HSD17B2: variants seen among roughly 807,000 people sequenced by gnomAD.
HSD17B2 encodes hydroxysteroid 17-beta dehydrogenase 2, also known as 17-beta-hydroxysteroid dehydrogenase type 2.
In HSD17B2, 32 loss-of-function variants were observed where a neutral mutation model predicts 26.9. That is an observed-to-expected ratio of 1.19 (90% CI 0.90 to 1.60). The LOEUF (loss-of-function observed/expected upper bound fraction) is 1.60, where lower values mean the gene tolerates loss of function less well. Among genes scored for constraint, HSD17B2 ranks in the 40% most tolerant of loss-of-function variants. The pLI is 0.00. For missense variants in HSD17B2, 613 were observed against 468.6 expected (o/e 1.31, Z -2.85); for synonymous variants, 246 against 186.7 (o/e 1.32, Z -2.59).
chr16:82,047,984 G>C (rs1913987598), intron 1 of HSD17B2, among the ~76,000 whole-genome samples: 1 of 152,192 alleles, frequency 6.6e-6, no homozygotes, highest in South Asian at 2.1e-4. Flanking sequence ...AAGAGGAGCT[G>C]ACTTTGCGAA....
In HSD17B2 at chr16:82,067,086, T is replaced by A. The variant is rs901448230; in HGVS notation, c.266-1084T>A. 2.0e-5 allele frequency among the ~76,000 whole-genome samples: 3 copies of A among 152,190 alleles called. No individual in the cohort carries two copies. In the East Asian group the frequency reaches 5.8e-4, roughly 29 times the overall value. On this transcript the variant is annotated intron_variant, in intron 1 of 4. Coordinates refer to ENST00000199936, the MANE Select transcript of HSD17B2 (RefSeq NM_002153.3). Reference sequence around the variant, plus strand: ...ACACCTGCCCTCTCTTTGCAGACAGTAGATTTCAGGCCCCTGTTGTTAGCT... The same window carrying A: ...ACACCTGCCCTCTCTTTGCAGACAGAAGATTTCAGGCCCCTGTTGTTAGCT...
intron 4 of HSD17B2, 151 bp downstream of exon 4, chr16:82,091,190 T>C: frequency 1.3e-6 from 1 of 793,688 alleles, no homozygotes; most frequent in South Asian, 1.4e-5. Context: ...CAGGTTTGAT[T>C]CAGTAACTGC....
intron 1 of HSD17B2, among the ~76,000 whole-genome samples, chr16:82,060,700 G>A (rs1054235690): frequency 2.0e-5 from 3 of 152,140 alleles, no homozygotes; most frequent in Non-Finnish European, 2.9e-5. Flanking sequence ...ATGAGAAAGG[G>A]TCTTGGTGCC....
In HSD17B2 at chr16:82,098,279, C is replaced by T; in HGVS notation, c.1007C>T (p.Ala336Val). 1 of 1,614,090 alleles carries T rather than the reference C, an allele frequency of 6.2e-7. No individual in the cohort carries two copies. Among genetic ancestry groups the T allele is most frequent in the Non-Finnish European group, 8.5e-7 (1 of 1,179,932 alleles). Reference sequence around the variant, plus strand: ...GCTATCTTGGCGAAGAGCCCTTTTGCCTATTACACGCCAGGGAAAGGCGCT... The same window carrying T: ...GCTATCTTGGCGAAGAGCCCTTTTGTCTATTACACGCCAGGGAAAGGCGCT... The part of the protein sequence containing the change: ...QHAILAKSPF[A>V]YYTPGKGAYL... Residue 336 changes from alanine to valine, a missense_variant, in exon 5 of 5, where the codon GCC (alanine) becomes GTC (valine). Physicochemically the swap from Ala to Val is moderately conservative, Grantham distance 64. Coordinates refer to ENST00000199936, the MANE Select transcript of HSD17B2 (RefSeq NM_002153.3).
At position 82,098,106 on chromosome 16, in the gene HSD17B2, G is replaced by A; in HGVS notation, c.834G>A (p.Lys278=). ...CAGGCACCAGTGACAAGTGGGAAAA[G>A]CTGGAGAAGGACATTCTGGACCACC... ...NIAGTSDKWE[K]LEKDILDHLP... Residue 278 remains lysine (K), a synonymous_variant, in exon 5 of 5, where the codon AAG becomes AAA. Transcript: ENST00000199936. 1 of 1,613,672 alleles carries A rather than the reference G, an allele frequency of 6.2e-7. No individual in the cohort carries two copies. The highest frequency in any genetic ancestry group is 8.5e-7 in the Non-Finnish European group (1 of 1,179,720).
Position 82,043,429 on chromosome 16 carries a change from AATCCCAGCACTTTGGG to A in HSD17B2, c.265+7742_265+7757del, listed in dbSNP as rs1328238693. 9.6e-5 allele frequency among the ~76,000 whole-genome samples: 12 copies of A among 124,426 alleles called. 1 individual carries two copies. Among genetic ancestry groups the A allele is most frequent in the African/African-American group, 7.6e-4 (12 of 15,814 alleles). 81.6% of individuals were successfully genotyped at this position (124,426 alleles called of 152,430 possible). A position where few individuals can be genotyped will look rare whatever the true frequency, so the allele number is the denominator to read the frequency against. On this transcript the variant is annotated intron_variant, in intron 1 of 4. Transcript: ENST00000199936. ...GCCGGGCGCGGTGGCTCATGCCTGT[AATCCCAGCACTTTGGG>A]AGGCCGAGGCGGGCGGATCACGAGG...
At chr16:82,063,725 C>T (rs1416170048) in intron 1 of HSD17B2, among the ~76,000 whole-genome samples, 1 of 152,116 alleles carries the variant, frequency 6.6e-6, no homozygotes, top group Non-Finnish European at 1.5e-5. Context: ...CTGGGATGAT[C>T]AGAGTGACAC....
intron 2 of HSD17B2, 75 bp from the exon 3 acceptor site, chr16:82,070,867 G>C (rs1914681043): frequency 1.7e-5 from 24 of 1,386,892 alleles, no homozygotes; most frequent in South Asian, 1.5e-4. Context: ...CTCTTGCATG[G>C]TCTTCCAGGT....
At chr16:82,052,604 T>G (rs898913058) in intron 1 of HSD17B2, 1 of 152,246 alleles carries the variant, frequency 6.6e-6, no homozygotes, top group African/African-American at 2.4e-5. Context: ...TAGCTTTTCC[T>G]AGTCCCACTA....
intron 3 of HSD17B2, among the ~76,000 whole-genome samples, chr16:82,081,638 T>G (rs79364531): frequency 0.018 from 2,678 of 152,280 alleles, 84 homozygotes; most frequent in African/African-American, 0.059. Flanking sequence ...GAGGCTTAAA[T>G]AAAATAATTC....
At chr16:82,092,998 T>C (rs1904737873) in intron 4 of HSD17B2, 1 of 152,238 alleles carries the variant, frequency 6.6e-6, no homozygotes, top group Non-Finnish European at 1.5e-5. Context: ...TTCAGTATAA[T>C]TGCTATGCAT....
chr16:82,069,935 A>G (rs895120848), intron 2 of HSD17B2, among the ~76,000 whole-genome samples: 2 of 152,254 alleles, frequency 1.3e-5, no homozygotes, highest in African/African-American at 4.8e-5. Flanking sequence ...CTAGGACGGG[A>G]TCCCAGGCAT....
intron 1 of HSD17B2, among the ~76,000 whole-genome samples, chr16:82,051,034 T>C (rs974042125): frequency 1.3e-5 from 2 of 152,228 alleles, no homozygotes; most frequent in Admixed American, 6.5e-5. Flanking sequence ...GCTTAAATAT[T>C]AACTTCTTGA....
intron 3 of HSD17B2, among the ~76,000 whole-genome samples, chr16:82,075,066 C>T (rs2143991514): frequency 6.6e-6 from 1 of 152,108 alleles, no homozygotes; most frequent in South Asian, 2.1e-4. Flanking sequence ...ACTATATAAG[C>T]ACATGGAAAT....
chr16:82,079,450 C>T (rs1904327050), intron 3 of HSD17B2, among the ~76,000 whole-genome samples: 1 of 152,180 alleles, frequency 6.6e-6, no homozygotes, highest in Non-Finnish European at 1.5e-5. Context: ...GTCTCTTCCT[C>T]TTCTTATAAG....
At chr16:82,067,584 G>GC (rs1352016581) in intron 1 of HSD17B2, among the ~76,000 whole-genome samples, 1 of 152,096 alleles carries the variant, frequency 6.6e-6, no homozygotes, top group Non-Finnish European at 1.5e-5. Context: ...TTCTTTTTAG[G>GC]CTTGACGTCT....
chr16:82,068,502 C>A, intron 2 of HSD17B2, 120 bp downstream of exon 2: 1 of 770,378 alleles, frequency 1.3e-6, no homozygotes. Flanking sequence ...TGAAGCACAC[C>A]TGTGCTGAAC....
At chr16:82,068,081 C>A in intron 1 of HSD17B2, 89 bp from the exon 2 acceptor site, 1 of 1,153,214 alleles carries the variant, frequency 8.7e-7, no homozygotes, top group Non-Finnish European at 1.3e-6. Flanking sequence ...CATGGAGAAT[C>A]GTAAACAACG....
intron 3 of HSD17B2, among the ~76,000 whole-genome samples, chr16:82,077,424 T>C (rs1203714586): frequency 6.6e-6 from 1 of 152,162 alleles, no homozygotes; most frequent in Non-Finnish European, 1.5e-5. Flanking sequence ...AAGGACAGTC[T>C]ATTCAATAAA....
Sources: allele counts gnomAD v4.1 joint callset (sites outside exome capture counted in the v4.1 genomes callset), GRCh38; gene constraint gnomAD v4.1.1; transcripts MANE v1.5; gene names NCBI Gene and HGNC (gene_info 2026-07-23, HGNC 2026-07-21).